Variants in CDH1 observed in about 807,000 individuals in gnomAD.
The protein encoded by CDH1 is cadherin-1.
CDH1 carries 35 observed loss-of-function variants against 84.5 expected under a neutral mutation model. That is an observed-to-expected ratio of 0.41 (90% CI 0.32 to 0.55). CDH1 has a LOEUF of 0.55. Among genes scored for constraint, CDH1 ranks in the 20% least tolerant of loss-of-function variants. The pLI, the probability that CDH1 is intolerant of heterozygous loss-of-function variation, is 0.19. For synonymous variants in CDH1, 417 were observed against 439.0 expected (o/e 0.95, Z 0.63); for missense variants, 994 against 1,126.6 (o/e 0.88, Z 1.68).
rs555202424 is a variant in CDH1 at position 68,738,964 on chromosome 16, T to TTA, written c.163+553_163+554insTA. ...TTTTTTTTTTTTTTTTTTTTTTTTTTAAAGACAGGGTCTTGCTCTGTTGCC... is the reference window on the plus strand; with the variant it reads ...TTTTTTTTTTTTTTTTTTTTTTTTTTTAAAAGACAGGGTCTTGCTCTGTTGCC... On this transcript the variant is annotated intron_variant, in intron 2 of 15. Transcript: ENST00000261769. Among the ~76,000 whole-genome samples the TTA allele has an allele frequency of 2.3e-4, 15 of 65,406 alleles. 5 individuals carry two copies. Among genetic ancestry groups the TTA allele is most frequent in the East Asian group, 9.8e-4 (2 of 2,032 alleles). 42.9% of individuals were successfully genotyped at this position (65,406 alleles called of 152,430 possible).
At position 68,810,798 on chromosome 16, in the gene CDH1, G is replaced by C. The variant is rs562566605; in HGVS notation, c.832+457G>C. On this transcript the variant is annotated intron_variant, in intron 6 of 15. Coordinates refer to ENST00000261769, the MANE Select transcript of CDH1 (RefSeq NM_004360.5). ...GGAGAATTGCTTGAACCCGGGAGGC[G>C]GGGGTTGCAGTAAGCTGAGATCACG... Among the ~76,000 whole-genome samples the C allele has an allele frequency of 2.6e-5, 4 of 151,190 alleles. No individual in the cohort carries two copies. The East Asian group carries it at 7.9e-4, about 30-fold the overall frequency.
chr16:68,763,659 T>C (rs1290727684), intron 2 of CDH1: 1 of 152,170 alleles, frequency 6.6e-6, no homozygotes, highest in Admixed American at 6.5e-5. Flanking sequence ...TCTGGGAAAG[T>C]GGTTACCGTT....
intron 2 of CDH1, among the ~76,000 whole-genome samples, chr16:68,760,102 T>TA (rs1963128227): frequency 7.5e-6 from 1 of 134,184 alleles, no homozygotes; most frequent in African/African-American, 2.7e-5. Flanking sequence ...TTTTTTTTTT[T>TA]AATTTTTTTT....
At chr16:68,802,787 G>A (rs1405274401) in intron 3 of CDH1, among the ~76,000 whole-genome samples, 1 of 152,076 alleles carries the variant, frequency 6.6e-6, no homozygotes, top group Non-Finnish European at 1.5e-5. Context: ...TGGATTCTCT[G>A]ATCATTTTGC....
intron 3 of CDH1, among the ~76,000 whole-genome samples, chr16:68,807,919 A>G (rs1960707408): frequency 6.6e-6 from 1 of 152,064 alleles, no homozygotes; most frequent in African/African-American, 2.4e-5. Context: ...TAAAAATACA[A>G]AAATTAGTCA....
intron 5 of CDH1, 129 bp from the exon 6 acceptor site, chr16:68,810,068 C>CTG: frequency 1.1e-6 from 1 of 903,574 alleles, no homozygotes; most frequent in Non-Finnish European, 1.8e-6. Flanking sequence ...TGAGAAAAGT[C>CTG]ACCCACTGGG....
intron 2 of CDH1, among the ~76,000 whole-genome samples, chr16:68,753,435 C>T (rs1164171228): frequency 6.6e-6 from 1 of 151,748 alleles, no homozygotes; most frequent in Non-Finnish European, 1.5e-5. Flanking sequence ...CAACCTCTGC[C>T]TCCCAGGTTC....
Position 68,813,313 on chromosome 16 carries a change from T to G in CDH1, c.1138T>G (p.Tyr380Asp), listed in dbSNP as rs2152133292. The change falls in exon 9 of 16, where the codon TAC becomes GAC. Residue 380 changes from tyrosine (Y) to aspartate (D), a missense_variant and splice_region_variant. Coordinates refer to ENST00000261769, the MANE Select transcript of CDH1 (RefSeq NM_004360.5). Reference sequence around the variant, plus strand: ...AATGACACATCTCTTTGCTCTGCAGTACAAGGGTCAGGTGCCTGAGAACGA... The same window carrying G: ...AATGACACATCTCTTTGCTCTGCAGGACAAGGGTCAGGTGCCTGAGAACGA... Reference protein sequence around the residue: ...DNPPIFNPTTYKGQVPENEAN... With the variant: ...DNPPIFNPTTDKGQVPENEAN... 6.2e-7 allele frequency: 1 copy of G among 1,614,128 alleles called. No homozygotes were observed. Among genetic ancestry groups the G allele is most frequent in the Non-Finnish European group, 8.5e-7 (1 of 1,179,990 alleles).
intron 2 of CDH1, among the ~76,000 whole-genome samples, chr16:68,738,936 CTTTTTTTTTT>C (rs1555509828): frequency 0.012 from 137 of 11,438 alleles, 5 homozygotes; most frequent in Non-Finnish European, 0.026. Flanking sequence ...GATATAAAAG[CTTTTTTTTTT>C]TTTTTTTTTT....
intron 6 of CDH1, 30 bp downstream of exon 6, chr16:68,810,371 CAGAA>C (rs1567505851): frequency 2.5e-6 from 4 of 1,606,758 alleles, no homozygotes; most frequent in East Asian, 4.5e-5. Context: ...TCTGAATACT[CAGAA>C]AGACTCTTAG....
Position 68,815,664 on chromosome 16 carries a change from A to G in CDH1, c.1470A>G (p.Glu490=), listed in dbSNP as rs1037089262. Residue 490 remains glutamate (E), a synonymous_variant, in exon 10 of 16, where the codon GAA becomes GAG. Transcript: ENST00000261769. ...VNEAPIFVPP[E]KRVEVSEDFG... ...AAGCCCCCATCTTTGTGCCTCCTGA[A>G]AAGAGAGTGGAAGTGTCCGAGGACT... The G allele has an allele frequency of 6.2e-7, 1 of 1,614,080 alleles. No individual in the cohort carries two copies. Among genetic ancestry groups the G allele is most frequent in the Non-Finnish European group, 8.5e-7 (1 of 1,180,054 alleles).
At chr16:68,750,097 C>A (rs1463187623) in intron 2 of CDH1, among the ~76,000 whole-genome samples, 1 of 145,884 alleles carries the variant, frequency 6.9e-6, no homozygotes, top group Non-Finnish European at 1.5e-5. Context: ...CAGGTGTGAG[C>A]CACCAGGCCT....
intron 13 of CDH1, among the ~76,000 whole-genome samples, chr16:68,827,441 ATT>A (rs35191298): frequency 0.013 from 1,928 of 148,628 alleles, 39 homozygotes; most frequent in African/African-American, 0.045. Flanking sequence ...TGCTTTAGAG[ATT>A]TTTTTTTTAA....
intron 2 of CDH1, among the ~76,000 whole-genome samples, chr16:68,782,120 A>G (rs888541753): frequency 6.6e-6 from 1 of 152,172 alleles, no homozygotes; most frequent in Non-Finnish European, 1.5e-5. Flanking sequence ...TCTCAAGTTC[A>G]GGGCTTCCTT....
Position 68,808,534 on chromosome 16 carries a change from TG to T in CDH1, c.499del (p.Glu167LysfsTer48). 1 of 1,613,984 alleles carries T rather than the reference TG, an allele frequency of 6.2e-7. No individual in the cohort carries two copies. Among genetic ancestry groups the T allele is most frequent in the Non-Finnish European group, 8.5e-7 (1 of 1,179,972 alleles). On this transcript the variant is annotated frameshift_variant, in exon 4 of 16. Transcript: ENST00000261769. LOFTEE classifies it high-confidence loss of function. Reference protein sequence around the residue: ...VIPPISCPENEKGPFPKNLVQ... With the variant: ...VIPPISCPENXKGPFPKNLVQ... ...TTCCTCCCATCAGCTGCCCAGAAAA[TG>T]AAAAAGGCCCATTTCCTAAAAACCT...
intron 2 of CDH1, among the ~76,000 whole-genome samples, chr16:68,782,782 C>T (rs1293317539): frequency 6.6e-6 from 1 of 152,152 alleles, no homozygotes; most frequent in Non-Finnish European, 1.5e-5. Context: ...CCGTTTCCTG[C>T]CCCTCACCCC....
rs2152143827 is a variant in CDH1 at position 68,833,291 on chromosome 16, A to T, written c.2441A>T (p.Asn814Ile). The T allele has an allele frequency of 6.2e-7, 1 of 1,614,006 alleles. No individual in the cohort carries two copies. Among genetic ancestry groups the T allele is most frequent in the Non-Finnish European group, 8.5e-7 (1 of 1,179,888 alleles). ...ATGCTTTTGTCCCTTCTTCTTTAGA[A>T]TCTGAAAGCGGCTGATACTGACCCC... The part of the protein sequence containing the change: ...PDEIGNFIDE[N>I]LKAADTDPTA... The change falls in exon 16 of 16, where the codon AAT becomes ATT. Residue 814 changes from asparagine to isoleucine, a missense_variant and splice_region_variant. Transcript: ENST00000261769.
intron 2 of CDH1, among the ~76,000 whole-genome samples, chr16:68,777,889 G>T (rs1024764322): frequency 6.6e-6 from 1 of 151,752 alleles, no homozygotes. Context: ...ACACCACCAC[G>T]CCCAGCTAAC....
At chr16:68,767,188 A>T (rs549200494) in intron 2 of CDH1, among the ~76,000 whole-genome samples, 1 of 150,804 alleles carries the variant, frequency 6.6e-6, no homozygotes, top group African/African-American at 2.4e-5. Context: ...TAGACCATTA[A>T]GTTTCTTTTT....
Sources: allele counts gnomAD v4.1 joint callset (sites outside exome capture counted in the v4.1 genomes callset), GRCh38; gene constraint gnomAD v4.1.1; transcripts MANE v1.5; gene names NCBI Gene and HGNC (gene_info 2026-07-23, HGNC 2026-07-21).